ENTREP2: variants seen among roughly 807,000 people sequenced by gnomAD.
The protein encoded by ENTREP2 is protein ENTREP2.
At chr15:29,365,030 A>G in the ENTREP2 span, among the ~76,000 whole-genome samples, 1 of 152,164 alleles carries the variant, frequency 6.6e-6, no homozygotes, top group Non-Finnish European at 1.5e-5. Flanking sequence ...TATTATACAG[A>G]ATAGTTTCAC....
the ENTREP2 span, among the ~76,000 whole-genome samples, chr15:29,217,967 G>T: frequency 6.6e-6 from 1 of 151,988 alleles, no homozygotes; most frequent in African/African-American, 2.4e-5. Flanking sequence ...CTCCCTCTTT[G>T]CCTATGGATG....
chr15:29,607,385 C>T, the ENTREP2 span, among the ~76,000 whole-genome samples: 1 of 146,182 alleles, frequency 6.8e-6, no homozygotes, highest in Non-Finnish European at 1.5e-5. Flanking sequence ...TGTGTTCCTT[C>T]CAGGAACACA....
the ENTREP2 span, among the ~76,000 whole-genome samples, chr15:29,251,500 G>A: frequency 7.9e-5 from 12 of 152,212 alleles, no homozygotes; most frequent in African/African-American, 2.7e-4. Context: ...ACACAAATTC[G>A]TAAACTTCCT....
chr15:29,521,305 G>A, the ENTREP2 span, among the ~76,000 whole-genome samples: 2 of 152,088 alleles, frequency 1.3e-5, no homozygotes, highest in Non-Finnish European at 2.9e-5. Context: ...TCTAAAATTC[G>A]CACAGAAATT....
At chr15:29,396,003 CT>C in the ENTREP2 span, among the ~76,000 whole-genome samples, 3 of 152,148 alleles carry the variant, frequency 2.0e-5, no homozygotes, top group Admixed American at 1.3e-4. Context: ...CAAATAAAAA[CT>C]GTATATAAAA....
the ENTREP2 span, among the ~76,000 whole-genome samples, chr15:29,639,496 C>T: frequency 6.6e-6 from 1 of 152,006 alleles, no homozygotes; most frequent in Non-Finnish European, 1.5e-5. Flanking sequence ...GCTGTACAAA[C>T]TAAAAGTAAA....
At chr15:29,379,323 C>G in the ENTREP2 span, among the ~76,000 whole-genome samples, 1 of 152,204 alleles carries the variant, frequency 6.6e-6, no homozygotes, top group Non-Finnish European at 1.5e-5. Flanking sequence ...CTGACCTGGA[C>G]AGGGGCCAGG....
the ENTREP2 span, among the ~76,000 whole-genome samples, chr15:29,358,572 G>T: frequency 6.6e-6 from 1 of 152,046 alleles, no homozygotes; most frequent in Non-Finnish European, 1.5e-5. Context: ...GAATTTCATT[G>T]TACGTGTCAT....
chr15:29,381,054 T>C, the ENTREP2 span, among the ~76,000 whole-genome samples: 5 of 151,484 alleles, frequency 3.3e-5, no homozygotes, highest in African/African-American at 1.2e-4. Flanking sequence ...GGTTTCACCA[T>C]GTTGGCCAGG....
chr15:29,328,632 G>A, the ENTREP2 span, among the ~76,000 whole-genome samples: 1 of 152,172 alleles, frequency 6.6e-6, no homozygotes, highest in African/African-American at 2.4e-5. Context: ...TGTTTCCCAG[G>A]TGGGCAGTGG....
At chr15:29,657,362 A>T in the ENTREP2 span, among the ~76,000 whole-genome samples, 7,786 of 150,212 alleles carry the variant, frequency 0.052, 620 homozygotes, top group African/African-American at 0.18. Context: ...CGGCAGTGTT[A>T]CAGTTCTTAC....
chr15:29,172,416 T>C, the ENTREP2 span, among the ~76,000 whole-genome samples: 2 of 151,388 alleles, frequency 1.3e-5, no homozygotes, highest in Non-Finnish European at 2.9e-5. Flanking sequence ...AAGGGAAGAG[T>C]GTCTTCTAGT....
chr15:29,231,888 T>TC, the ENTREP2 span, among the ~76,000 whole-genome samples: 4 of 140,242 alleles, frequency 2.9e-5, no homozygotes, highest in African/African-American at 1.1e-4. Flanking sequence ...TTCTTTTCTT[T>TC]TCTTTCTTTT....
the ENTREP2 span, among the ~76,000 whole-genome samples, chr15:29,482,234 T>C: frequency 2.0e-5 from 3 of 149,546 alleles, no homozygotes; most frequent in Admixed American, 6.7e-5. Context: ...GGTCTCGAAC[T>C]CCTGACCTCA....
the ENTREP2 span, among the ~76,000 whole-genome samples, chr15:29,132,649 A>G: frequency 3.3e-3 from 506 of 152,380 alleles, 1 homozygote; most frequent in African/African-American, 0.011. Context: ...TTTCAGAACC[A>G]GCCAGATCCC....
At chr15:29,475,700 G>A in the ENTREP2 span, among the ~76,000 whole-genome samples, 8 of 152,304 alleles carry the variant, frequency 5.3e-5, no homozygotes, top group African/African-American at 9.6e-5. Flanking sequence ...GTACCATCCC[G>A]CAGAGGGGAC....
the ENTREP2 span, among the ~76,000 whole-genome samples, chr15:29,587,948 C>T: frequency 6.6e-6 from 1 of 152,160 alleles, no homozygotes; most frequent in Non-Finnish European, 1.5e-5. Context: ...TGTGAGCCAC[C>T]ACGCCCGGCT....
chr15:29,254,442 T>C, the ENTREP2 span, among the ~76,000 whole-genome samples: 1 of 152,226 alleles, frequency 6.6e-6, no homozygotes, highest in Admixed American at 6.5e-5. Flanking sequence ...TATTTCAGCA[T>C]TCCTGATTGC....
chr15:29,641,392 T>C, the ENTREP2 span, among the ~76,000 whole-genome samples: 7,048 of 152,212 alleles, frequency 0.046, 184 homozygotes, highest in South Asian at 0.066. Flanking sequence ...GATTATCTAA[T>C]CCTGTCTTTA....
Sources: gnomAD v4.1 joint callset for allele counts (sites outside exome capture counted in the v4.1 genomes callset) on GRCh38, gnomAD v4.1.1 for gene constraint, MANE v1.5 for transcripts, NCBI Gene and HGNC (gene_info 2026-07-23, HGNC 2026-07-21) for gene names.